NEK11: variants seen among roughly 807,000 people sequenced by gnomAD.
NEK11 encodes NIMA related kinase 11.
Under a neutral mutation model 80.7 loss-of-function variants are expected in NEK11, and 72 were observed. The observed-to-expected ratio is 0.89, with a 90% CI of 0.74 to 1.08. NEK11 has a LOEUF of 1.08. Among genes scored for constraint, NEK11 ranks in the 50% least tolerant of loss-of-function variants. The probability of loss-of-function intolerance (pLI) is 0.00; values close to 1 mark genes in which losing one functional copy is unlikely to be tolerated. For missense variants in NEK11, 764 were observed against 763.6 expected, an observed-to-expected ratio of 1.00 and a Z score of -0.01; for synonymous variants, 251 against 260.7, an observed-to-expected ratio of 0.96 and a Z score of 0.36.
At chr3:131,057,476 A>G (rs1358983666) in intron 3 of NEK11, among the ~76,000 whole-genome samples, 3 of 150,382 alleles carry the variant, frequency 2.0e-5, no homozygotes, top group Admixed American at 6.6e-5. Flanking sequence ...GACTTCCACA[A>G]TGGTTGAACT....
intron 3 of NEK11, among the ~76,000 whole-genome samples, chr3:131,034,356 C>A (rs1560105549): frequency 6.6e-6 from 1 of 152,078 alleles, no homozygotes; most frequent in East Asian, 1.9e-4. Context: ...TGATTTTATG[C>A]TGTTGTCTGT....
chr3:131,204,621 G>T (rs543682057), intron 14 of NEK11, among the ~76,000 whole-genome samples: 33 of 151,196 alleles, frequency 2.2e-4, no homozygotes, highest in African/African-American at 8.0e-4. Flanking sequence ...GGTGTCTTCT[G>T]TATTGATTGT....
At chr3:131,127,540 A>G (rs944537164) in intron 5 of NEK11, among the ~76,000 whole-genome samples, 1 of 151,500 alleles carries the variant, frequency 6.6e-6, no homozygotes, top group Admixed American at 6.6e-5. Flanking sequence ...GAAATTCTCC[A>G]TTGTGTCAGT....
At chr3:131,298,607 C>G (rs1303944607) in intron 17 of NEK11, among the ~76,000 whole-genome samples, 2 of 152,000 alleles carry the variant, frequency 1.3e-5, no homozygotes, top group South Asian at 4.2e-4. Context: ...CCTATATAGG[C>G]AAAATGGTTT....
intron 3 of NEK11, among the ~76,000 whole-genome samples, chr3:131,063,121 G>A (rs2071220816): frequency 6.6e-6 from 1 of 152,128 alleles, no homozygotes; most frequent in Non-Finnish European, 1.5e-5. Flanking sequence ...AACTCCTAGG[G>A]TTAGGCAGTC....
At chr3:131,338,110 G>A (rs552310157) in intron 17 of NEK11, among the ~76,000 whole-genome samples, 8 of 152,040 alleles carry the variant, frequency 5.3e-5, no homozygotes, top group Non-Finnish European at 1.0e-4. Flanking sequence ...GGGACTACAG[G>A]CACACGCCGC....
At chr3:131,104,945 A>G (rs927680299) in intron 4 of NEK11, among the ~76,000 whole-genome samples, 1 of 152,112 alleles carries the variant, frequency 6.6e-6, no homozygotes, top group Non-Finnish European at 1.5e-5. Context: ...CTGGCTCTGC[A>G]CCAATCCTGG....
At chr3:131,057,940 GT>G (rs1377982643) in intron 3 of NEK11, among the ~76,000 whole-genome samples, 1 of 152,180 alleles carries the variant, frequency 6.6e-6, no homozygotes, top group African/African-American at 2.4e-5. Flanking sequence ...TGGTTTTGGT[GT>G]TTTAGACATG....
chr3:131,072,949 A>AT lies in NEK11; in HGVS notation c.171-7466dup, dbSNP rs535082021. Among the ~76,000 whole-genome samples the AT allele has an allele frequency of 4.8e-4, 73 of 151,950 alleles. 2 individuals are homozygous for AT. The South Asian group carries it at 0.013, about 26-fold the overall frequency. On this transcript the variant is annotated intron_variant, in intron 3 of 17. Transcript: ENST00000383366. ...CCAGTGAATTAACATGCTCTGATGCATTTTTTTTGGCTTGGCTATCAACTC... is the reference window on the plus strand; with the variant it reads ...CCAGTGAATTAACATGCTCTGATGCATTTTTTTTTGGCTTGGCTATCAACTC...
chr3:131,264,346 G>T (rs1432519155), intron 16 of NEK11, among the ~76,000 whole-genome samples: 1 of 152,152 alleles, frequency 6.6e-6, no homozygotes, highest in Non-Finnish European at 1.5e-5. Context: ...ATGGTTTTAG[G>T]TCTAACATTT....
intron 14 of NEK11, among the ~76,000 whole-genome samples, chr3:131,222,485 AT>A (rs147754206): frequency 0.018 from 2,801 of 152,316 alleles, 42 homozygotes; most frequent in East Asian, 0.085. Context: ...TATCAACAAA[AT>A]GGGAGTAGTT....
At chr3:131,284,708 A>T (rs2096449463) in intron 17 of NEK11, among the ~76,000 whole-genome samples, 1 of 152,172 alleles carries the variant, frequency 6.6e-6, no homozygotes, top group Admixed American at 6.5e-5. Flanking sequence ...GAAGGACTAG[A>T]CTGGCTGAGT....
At chr3:131,280,470 C>A (rs1370054057) in intron 17 of NEK11, among the ~76,000 whole-genome samples, 1 of 152,006 alleles carries the variant, frequency 6.6e-6, no homozygotes, top group African/African-American at 2.4e-5. Context: ...AATGTCTAAT[C>A]TACTGTTAAT....
intron 14 of NEK11, among the ~76,000 whole-genome samples, chr3:131,187,850 T>C (rs1467319315): frequency 6.6e-6 from 1 of 152,152 alleles, no homozygotes; most frequent in Non-Finnish European, 1.5e-5. Context: ...TAATAATAAT[T>C]CCTTCCCACA....
chr3:131,073,280 A>G (rs1159613694), intron 3 of NEK11, among the ~76,000 whole-genome samples: 1 of 152,182 alleles, frequency 6.6e-6, no homozygotes, highest in Non-Finnish European at 1.5e-5. Flanking sequence ...TTTGTCTTCA[A>G]ACCACCTACT....
In NEK11 at chr3:131,124,720, G is replaced by A. The variant is rs370082351; in HGVS notation, c.456-8025G>A. On this transcript the variant is annotated intron_variant, in intron 5 of 17. Transcript: ENST00000383366. ...GTTGTTCTCTTTTTAAATCAGTTAA[G>A]AAGTCAGCAACATACTCATGTACAG... Among the ~76,000 whole-genome samples the A allele has an allele frequency of 3.3e-5, 5 of 152,280 alleles. No homozygotes were observed. In the East Asian group the frequency reaches 9.6e-4, roughly 29 times the overall value.
At chr3:131,205,626 CA>C (rs953353636) in intron 14 of NEK11, among the ~76,000 whole-genome samples, 2 of 152,284 alleles carry the variant, frequency 1.3e-5, no homozygotes, top group African/African-American at 4.8e-5. Flanking sequence ...CCCACACCCC[CA>C]GCCCTCAAGA....
intron 17 of NEK11, among the ~76,000 whole-genome samples, chr3:131,297,350 C>T (rs199976281): frequency 0.049 from 7,416 of 152,082 alleles, 253 homozygotes; most frequent in East Asian, 0.18. Flanking sequence ...TAATGATTGC[C>T]ATTCTAACTG....
At chr3:131,199,142 A>G (rs1200975651) in intron 14 of NEK11, among the ~76,000 whole-genome samples, 2 of 152,210 alleles carry the variant, frequency 1.3e-5, no homozygotes, top group Non-Finnish European at 2.9e-5. Flanking sequence ...CAAAAGACAT[A>G]ATAAAGATAA....
Sources: allele counts gnomAD v4.1 joint callset (sites outside exome capture counted in the v4.1 genomes callset), GRCh38; gene constraint gnomAD v4.1.1; transcripts MANE v1.5; gene names NCBI Gene and HGNC (gene_info 2026-07-23, HGNC 2026-07-21).